Variants in PRICKLE2 observed in about 807,000 individuals in gnomAD.
PRICKLE2 encodes prickle-like protein 2.
A neutral mutation model predicts 81.4 loss-of-function variants in PRICKLE2; 21 were observed. That is an observed-to-expected ratio of 0.26 (90% confidence interval 0.18 to 0.37). The LOEUF (loss-of-function observed/expected upper bound fraction) is 0.37, where lower values mean the gene tolerates loss of function less well. Ranked by LOEUF, PRICKLE2 falls within the 10% of genes least tolerant of loss-of-function variation. PRICKLE2 has a pLI of 1.00. For missense variants in PRICKLE2, 940 were observed against 1,109.0 expected (o/e 0.85, Z 2.16); for synonymous variants, 456 against 421.5 (o/e 1.08, Z -1.00).
At chr3:64,199,782 A>T (rs2078536898) in intron 1 of PRICKLE2, 1 of 152,230 alleles carries the variant, frequency 6.6e-6, no homozygotes. Flanking sequence ...TGTCAGCAAC[A>T]CAAAAGCATT....
chr3:64,183,158 T>C (rs2078163634), intron 2 of PRICKLE2, among the ~76,000 whole-genome samples: 1 of 152,088 alleles, frequency 6.6e-6, no homozygotes, highest in African/African-American at 2.4e-5. Context: ...AGAAAGCTAG[T>C]ATGCAATGTT....
At chr3:64,255,223 G>A (rs1200007596) in intron 2 of PRICKLE2, among the ~76,000 whole-genome samples, 2 of 152,158 alleles carry the variant, frequency 1.3e-5, no homozygotes, top group African/African-American at 4.8e-5. Flanking sequence ...TACTCTCTGT[G>A]TGCATGCCTG....
chr3:64,113,766 C>T (rs1275914916), intron 7 of PRICKLE2, among the ~76,000 whole-genome samples: 1 of 152,078 alleles, frequency 6.6e-6, no homozygotes, highest in Admixed American at 6.5e-5. Context: ...CAGCGGACAC[C>T]CCCACACCCT....
intron 2 of PRICKLE2, among the ~76,000 whole-genome samples, chr3:64,262,243 A>G (rs889173022): frequency 1.3e-5 from 2 of 152,172 alleles, no homozygotes; most frequent in African/African-American, 4.8e-5. Context: ...AGTAGAACTG[A>G]AAGGACTTAT....
chr3:64,113,104 G>A (rs1016123175), intron 7 of PRICKLE2, among the ~76,000 whole-genome samples: 3 of 152,172 alleles, frequency 2.0e-5, no homozygotes, highest in African/African-American at 4.8e-5. Context: ...AACCCTAGAA[G>A]GAGGGGGACC....
At chr3:64,267,642 A>G (rs1183147904) in intron 2 of PRICKLE2, among the ~76,000 whole-genome samples, 1 of 152,140 alleles carries the variant, frequency 6.6e-6, no homozygotes, top group South Asian at 2.1e-4. Context: ...TAATACCACC[A>G]TCGCCTCGTG....
At chr3:64,158,788 T>C (rs1386527607) in intron 4 of PRICKLE2, among the ~76,000 whole-genome samples, 1 of 152,108 alleles carries the variant, frequency 6.6e-6, no homozygotes, top group East Asian at 1.9e-4. Flanking sequence ...CACTGCCAAA[T>C]CTCTGGTCAA....
chr3:64,121,236 T>A (rs2077022066), intron 7 of PRICKLE2, among the ~76,000 whole-genome samples: 1 of 152,138 alleles, frequency 6.6e-6, no homozygotes, highest in African/African-American at 2.4e-5. Flanking sequence ...CAAACTATCC[T>A]CTCTGGATTA....
At position 64,250,659 on chromosome 3, in the gene PRICKLE2, C is replaced by G. The variant is rs146336926; in HGVS notation, c.129-51692G>C. Among the ~76,000 whole-genome samples, 76 of 152,330 alleles carry G rather than the reference C, an allele frequency of 5.0e-4. 1 individual carries two copies. Among genetic ancestry groups the G allele is most frequent in the Admixed American group, 1.0e-3 (16 of 15,298 alleles). On this transcript the variant is annotated intron_variant, in intron 2 of 8. Transcript: ENST00000295902. Reference sequence around the variant, plus strand: ...ATGGCACTTTGTAGTTTGGTTTATACTGGTTTGACTTGAGATGTTGAACCT... The same window carrying G: ...ATGGCACTTTGTAGTTTGGTTTATAGTGGTTTGACTTGAGATGTTGAACCT...
intron 1 of PRICKLE2, among the ~76,000 whole-genome samples, chr3:64,206,138 CATTACATGGA>C (rs1377747390): frequency 1.3e-5 from 2 of 152,134 alleles, no homozygotes; most frequent in African/African-American, 4.8e-5. Context: ...GTTGCCAAGA[CATTACATGGA>C]GATGCATGGG....
intron 2 of PRICKLE2, among the ~76,000 whole-genome samples, chr3:64,177,979 C>G (rs920392293): frequency 2.6e-5 from 4 of 152,196 alleles, no homozygotes; most frequent in Admixed American, 2.0e-4. Flanking sequence ...AACTGCCAAA[C>G]AGTGCTCCAA....
At chr3:64,241,443 G>A (rs961318333) in intron 2 of PRICKLE2, among the ~76,000 whole-genome samples, 24 of 152,176 alleles carry the variant, frequency 1.6e-4, no homozygotes, top group African/African-American at 5.1e-4. Context: ...AAATGCATGT[G>A]TGCATACACA....
chr3:64,152,446 GA>G (rs1399967598), intron 6 of PRICKLE2, among the ~76,000 whole-genome samples: 1 of 152,238 alleles, frequency 6.6e-6, no homozygotes, highest in African/African-American at 2.4e-5. Flanking sequence ...TTTGCAGAGG[GA>G]AAATGATTTT....
chr3:64,138,305 G>A (rs1221645722), intron 7 of PRICKLE2, among the ~76,000 whole-genome samples: 6 of 152,200 alleles, frequency 3.9e-5, no homozygotes, highest in South Asian at 2.1e-4. Flanking sequence ...ACATACCAGA[G>A]CTATCATTCT....
intron 7 of PRICKLE2, 96 bp from the exon 8 acceptor site, chr3:64,100,021 C>T: frequency 7.1e-7 from 1 of 1,402,986 alleles, no homozygotes; most frequent in African/African-American, 1.4e-5. Context: ...TCATTATATA[C>T]CGTTGTGAAG....
chr3:64,140,596 C>G (rs892380767), intron 7 of PRICKLE2, among the ~76,000 whole-genome samples: 10 of 152,190 alleles, frequency 6.6e-5, no homozygotes, highest in African/African-American at 2.2e-4. Context: ...AGTTCCAATT[C>G]CAGCTCTACT....
chr3:64,204,115 C>A (rs2107125005), intron 1 of PRICKLE2, among the ~76,000 whole-genome samples: 1 of 152,298 alleles, frequency 6.6e-6, no homozygotes, highest in South Asian at 2.1e-4. Flanking sequence ...AGACAAAGAT[C>A]CCTGCCCTCT....
At chr3:64,228,800 C>T (rs763458358), upstream of PRICKLE2, among the ~76,000 whole-genome samples, 1 of 152,062 alleles carries the variant, frequency 6.6e-6, no homozygotes, top group Non-Finnish European at 1.5e-5. Context: ...CAACTGTCGA[C>T]CTTCAGAACT....
At chr3:64,132,456 C>G (rs569664054) in intron 7 of PRICKLE2, among the ~76,000 whole-genome samples, 3 of 152,264 alleles carry the variant, frequency 2.0e-5, no homozygotes, top group East Asian at 1.9e-4. Context: ...TATCTATCTC[C>G]TTCATTAGGT....
Sources: allele counts gnomAD v4.1 joint callset (sites outside exome capture counted in the v4.1 genomes callset), GRCh38; gene constraint gnomAD v4.1.1; transcripts MANE v1.5; gene names NCBI Gene and HGNC (gene_info 2026-07-23, HGNC 2026-07-21).